Variants in CDH11 observed in about 807,000 individuals in gnomAD.
CDH11 encodes cadherin 11, also known as cadherin-11.
A neutral mutation model predicts 67.8 loss-of-function variants in CDH11; 11 were observed. That is an observed-to-expected ratio of 0.16 (90% CI 0.10 to 0.27). CDH11 has a LOEUF of 0.27. CDH11 is among the 10% of genes least tolerant of loss of function. The probability of loss-of-function intolerance (pLI) is 1.00; values close to 1 mark genes in which losing one functional copy is unlikely to be tolerated. For synonymous variants in CDH11, 419 were observed against 400.0 expected (o/e 1.05, Z -0.57); for missense variants, 847 against 1,031.2 (o/e 0.82, Z 2.45).
chr16:64,946,358 G>A lies in CDH11; in HGVS notation c.*1245C>T. On this transcript the variant is annotated 3_prime_UTR_variant, in exon 13 of 13. Coordinates refer to ENST00000268603, the MANE Select transcript of CDH11 (RefSeq NM_001797.4). ...TAGTCCCCCAGTTCCCCAGTGCTCAGTGTGGGGCATAGAATGTATACCTGG... is the reference window on the plus strand; with the variant it reads ...TAGTCCCCCAGTTCCCCAGTGCTCAATGTGGGGCATAGAATGTATACCTGG... 9.6e-7 allele frequency: 1 copy of A among 1,040,530 alleles called. No individual in the cohort carries two copies. The highest frequency in any genetic ancestry group is 4.6e-5 in the South Asian group (1 of 21,736). The allele number at this position is 1,040,530 out of a possible 1,614,324, so 64.5% of individuals were successfully genotyped here.
intron 11 of CDH11, among the ~76,000 whole-genome samples, chr16:64,956,404 G>A (rs766019179): frequency 5.3e-5 from 8 of 152,246 alleles, no homozygotes; most frequent in Admixed American, 1.3e-4. Context: ...GGAGGAAAGT[G>A]AATTCTTGGA....
intron 1 of CDH11, among the ~76,000 whole-genome samples, chr16:65,056,561 A>T (rs2074147214): frequency 6.6e-6 from 1 of 152,230 alleles, no homozygotes; most frequent in African/African-American, 2.4e-5. Flanking sequence ...GATATTTGCC[A>T]TGTATCTCAC....
chr16:64,976,176 C>A (rs79999917), intron 8 of CDH11, among the ~76,000 whole-genome samples: 7,603 of 152,178 alleles, frequency 0.05, 275 homozygotes, highest in Non-Finnish European at 0.071. Flanking sequence ...AGCAGGAAAT[C>A]TGAAGCATCC....
At chr16:65,006,168 C>T (rs1041749837) in intron 2 of CDH11, among the ~76,000 whole-genome samples, 2 of 152,080 alleles carry the variant, frequency 1.3e-5, no homozygotes, top group Non-Finnish European at 2.9e-5. Context: ...GGAGTGCCAC[C>T]CAGACTCCAG....
chr16:65,117,013 A>G (rs1031223517), intron 1 of CDH11, among the ~76,000 whole-genome samples: 4 of 152,208 alleles, frequency 2.6e-5, no homozygotes, highest in African/African-American at 4.8e-5. Context: ...CCAAATAACA[A>G]TGAAATTTTG....
chr16:65,081,968 C>A (rs1373046526), intron 1 of CDH11, among the ~76,000 whole-genome samples: 2 of 152,102 alleles, frequency 1.3e-5, no homozygotes, highest in Non-Finnish European at 2.9e-5. Context: ...ACTGAGTCCT[C>A]CAGACCCTGC....
At chr16:65,046,441 C>T (rs1365512664) in intron 2 of CDH11, among the ~76,000 whole-genome samples, 6 of 152,314 alleles carry the variant, frequency 3.9e-5, no homozygotes, top group African/African-American at 1.2e-4. Context: ...GGATGGATCC[C>T]CATCCTGGGG....
At chr16:65,097,492 G>T (rs888428284) in intron 1 of CDH11, among the ~76,000 whole-genome samples, 13 of 152,166 alleles carry the variant, frequency 8.5e-5, no homozygotes, top group African/African-American at 3.1e-4. Context: ...GGGCTGTCCT[G>T]TGCACTGCAG....
intron 11 of CDH11, among the ~76,000 whole-genome samples, chr16:64,971,223 T>C (rs896351234): frequency 6.6e-6 from 1 of 152,174 alleles, no homozygotes; most frequent in Non-Finnish European, 1.5e-5. Flanking sequence ...TAATCTCTTT[T>C]AATGCTTTAC....
intron 7 of CDH11, 191 bp from the exon 8 acceptor site, chr16:64,982,492 T>A: frequency 1.7e-6 from 1 of 585,892 alleles, no homozygotes; most frequent in Middle Eastern, 4.6e-4. Context: ...AGAATGTGCT[T>A]AATGGGTCAT....
intron 1 of CDH11, among the ~76,000 whole-genome samples, chr16:65,118,622 T>G (rs2075280723): frequency 6.6e-6 from 1 of 152,154 alleles, no homozygotes; most frequent in African/African-American, 2.4e-5. Context: ...GAGAAAATCA[T>G]CCCAAACACA....
At chr16:65,021,652 C>T (rs1309095561) in intron 2 of CDH11, among the ~76,000 whole-genome samples, 4 of 144,546 alleles carry the variant, frequency 2.8e-5, no homozygotes, top group Non-Finnish European at 6.1e-5. Context: ...AAAAAAAAAT[C>T]CTTTTAGATC....
chr16:65,012,959 C>CAATA (rs1218662983), intron 2 of CDH11, among the ~76,000 whole-genome samples: 2 of 152,192 alleles, frequency 1.3e-5, no homozygotes, highest in Admixed American at 6.5e-5. Context: ...TTAGGTTCTG[C>CAATA]TATTGAACCA....
chr16:64,948,630 T>C (rs1555511085), intron 12 of CDH11: 2 of 1,612,098 alleles, frequency 1.2e-6, no homozygotes, highest in Non-Finnish European at 1.7e-6. Context: ...TTGGACTCTC[T>C]GTAGCCACCA....
chr16:65,085,876 C>A (rs2142815698), intron 1 of CDH11, among the ~76,000 whole-genome samples: 1 of 152,356 alleles, frequency 6.6e-6, no homozygotes, highest in East Asian at 1.9e-4. Context: ...TATCCTTATA[C>A]TCTTTTTCAG....
At chr16:65,066,627 G>A (rs1433574095) in intron 1 of CDH11, among the ~76,000 whole-genome samples, 1 of 152,238 alleles carries the variant, frequency 6.6e-6, no homozygotes, top group Non-Finnish European at 1.5e-5. Flanking sequence ...GCACATAGCT[G>A]ATGCTCAGTA....
At chr16:65,035,893 T>C (rs1287071653) in intron 2 of CDH11, among the ~76,000 whole-genome samples, 1 of 152,124 alleles carries the variant, frequency 6.6e-6, no homozygotes, top group East Asian at 1.9e-4. Flanking sequence ...AGAAAATCTG[T>C]TCCCTCAGGA....
chr16:64,988,310 G>A lies in CDH11; in HGVS notation c.846C>T (p.Val282=), dbSNP rs755316862. 5 of 1,613,164 alleles carry A rather than the reference G, an allele frequency of 3.1e-6. No homozygotes were observed. The African/African-American group carries it at 4.0e-5, about 13-fold the overall frequency. ...TCACTCTTCCTACTTCCTCCCCAGG[G>A]ACGGCTGCTTCTGACACAGACATCT... The part of the protein sequence containing the change: ...VYQMSVSEAA[V]PGEEVGRVKA... The change falls in exon 7 of 13, where the codon GTC becomes GTT. Residue 282 remains valine (V), a synonymous_variant. Coordinates refer to ENST00000268603, the MANE Select transcript of CDH11 (RefSeq NM_001797.4).
At chr16:65,047,411 G>A (rs1439627374) in intron 2 of CDH11, among the ~76,000 whole-genome samples, 3 of 151,040 alleles carry the variant, frequency 2.0e-5, no homozygotes, top group African/African-American at 7.3e-5. Context: ...AGTGCAGTTG[G>A]TGCAGTCTCA....
Sources: gnomAD v4.1 joint callset for allele counts (sites outside exome capture counted in the v4.1 genomes callset) on GRCh38, gnomAD v4.1.1 for gene constraint, MANE v1.5 for transcripts, NCBI Gene and HGNC (gene_info 2026-07-23, HGNC 2026-07-21) for gene names.